Variants in PGAP3 observed in about 807,000 individuals in gnomAD.
The protein encoded by PGAP3 is GPI-specific phospholipase A2-like PGAP3.
A neutral mutation model predicts 40.3 loss-of-function variants in PGAP3; 31 were observed. The observed-to-expected ratio is 0.77, with a 90% CI of 0.58 to 1.04. PGAP3 has a LOEUF of 1.04. PGAP3 is among the 50% of genes least tolerant of loss of function. PGAP3 has a pLI of 0.00. For synonymous variants in PGAP3, 191 were observed against 184.5 expected (o/e 1.04, Z -0.29); for missense variants, 413 against 423.0 (o/e 0.98, Z 0.21).
chr17:39,684,846 C>T, intron 2 of PGAP3, 97 bp from the exon 3 acceptor site: 1 of 1,397,898 alleles, frequency 7.2e-7, no homozygotes, highest in Non-Finnish European at 9.5e-7. Flanking sequence ...AGGTCCTCAG[C>T]TGAGTCCTCA....
At chr17:39,673,428 C>A in intron 6 of PGAP3, 86 bp downstream of exon 6, 1 of 1,591,566 alleles carries the variant, frequency 6.3e-7, no homozygotes, top group Non-Finnish European at 8.6e-7. Context: ...CTCTCTAGAA[C>A]CTCCTTCTCC....
intron 3 of PGAP3, 48 bp from the exon 4 acceptor site, chr17:39,674,727 A>G: frequency 2.0e-6 from 3 of 1,501,062 alleles, no homozygotes; most frequent in South Asian, 1.2e-5. Context: ...CCCTGACCTC[A>G]AGGCAGGGAC....
chr17:39,684,644 C>G lies in PGAP3; in HGVS notation c.385G>C (p.Val129Leu). The change falls in exon 3 of 8, where the codon GTG (valine) becomes CTG (leucine). Residue 129 changes from valine to leucine, a missense_variant. By Grantham distance (32) the Val-to-Leu change is conservative. Transcript: ENST00000300658. Reference protein sequence around the residue: ...LVMLCRYRTFVPASSPMYHTC... With the variant: ...LVMLCRYRTFLPASSPMYHTC... ...TGGTACATGGGGGAGGAGGCTGGCA[C>G]GAAGGTGCGGTAGCGGCAGAGCATC... 1.2e-6 allele frequency: 2 copies of G among 1,614,052 alleles called. No homozygotes were observed. Among genetic ancestry groups the G allele is most frequent in the Non-Finnish European group, 1.7e-6 (2 of 1,179,968 alleles).
rs531459264 is a variant in PGAP3 at position 39,672,996 on chromosome 17, A to G, written c.899+55T>C. On this transcript the variant is annotated intron_variant, in intron 7 of 7. Coordinates refer to ENST00000300658, the MANE Select transcript of PGAP3 (RefSeq NM_033419.5). ...ACAGAGCCCCCAATCTCCCCTAAGG[A>G]GTGGGCAAGGAAGGGTCCAAAGAAG... The G allele has an allele frequency of 5.2e-5, 82 of 1,580,848 alleles. No homozygotes were observed. In the African/African-American group the frequency reaches 8.0e-4, roughly 15 times the overall value.
intron 6 of PGAP3, 124 bp downstream of exon 6, chr17:39,673,389 AT>A (rs1187680656): frequency 2.6e-5 from 40 of 1,551,736 alleles, no homozygotes; most frequent in Non-Finnish European, 3.4e-5. Context: ...CCCACCTCAA[AT>A]TCTTCTCCAT....
Position 39,673,667 on chromosome 17 carries a change from G to T in PGAP3, c.558-17C>A, listed in dbSNP as rs1452389459. The T allele has an allele frequency of 6.2e-7, 1 of 1,612,724 alleles. No homozygotes were observed. The highest frequency in any genetic ancestry group is 1.1e-5 in the South Asian group (1 of 91,012). Reference sequence around the variant, plus strand: ...CCCACGGTCCTGCCCCACCGTCCAGGGTTGCTCAGAGGGCAGGTGGCCCAT... The same window carrying T: ...CCCACGGTCCTGCCCCACCGTCCAGTGTTGCTCAGAGGGCAGGTGGCCCAT... On this transcript the variant is annotated splice_polypyrimidine_tract_variant and intron_variant, in intron 5 of 7. Transcript: ENST00000300658.
chr17:39,684,707 C>T lies in PGAP3; in HGVS notation c.322G>A (p.Ala108Thr). The T allele has an allele frequency of 6.2e-7, 1 of 1,613,078 alleles. No individual in the cohort carries two copies. ...AGGCCATTGAGAAACGAGGCCACGGCCGATGCCGGCTCTTGAAAGAACAGG... is the reference window on the plus strand; with the variant it reads ...AGGCCATTGAGAAACGAGGCCACGGTCGATGCCGGCTCTTGAAAGAACAGG... ...RFLFFQEPAS[A>T]VASFLNGLAS... Residue 108 changes from alanine (A) to threonine (T), a missense_variant, in exon 3 of 8, where the codon GCC becomes ACC. Coordinates refer to ENST00000300658, the MANE Select transcript of PGAP3 (RefSeq NM_033419.5).
At position 39,688,051 on chromosome 17, in the gene PGAP3, G is replaced by T; in HGVS notation, c.-37C>A. The T allele has an allele frequency of 7.5e-7, 1 of 1,334,936 alleles. No homozygotes were observed. The highest frequency in any genetic ancestry group is 9.7e-7 in the Non-Finnish European group (1 of 1,030,926). The allele number at this position is 1,334,936 out of a possible 1,614,324, so 82.7% of individuals were successfully genotyped here. Reference sequence around the variant, plus strand: ...GGCTCGCCGCCGGGGGAGGAGCTTAGGAGTATGAAGCTTCCACTTCCGGAG... The same window carrying T: ...GGCTCGCCGCCGGGGGAGGAGCTTATGAGTATGAAGCTTCCACTTCCGGAG... On this transcript the variant is annotated 5_prime_UTR_variant, in exon 1 of 8. Coordinates refer to ENST00000300658, the MANE Select transcript of PGAP3 (RefSeq NM_033419.5).
Position 39,684,469 on chromosome 17 carries a change from C to T in PGAP3, c.432+128G>A, listed in dbSNP as rs1157967168. On this transcript the variant is annotated intron_variant, in intron 3 of 7. Coordinates refer to ENST00000300658, the MANE Select transcript of PGAP3 (RefSeq NM_033419.5). ...CTCCCCAGGCTTTACCACCCTGCAG[C>T]TGCAACTTTAGCCCTGGGAAACAGA... 3.3e-6 allele frequency: 4 copies of T among 1,202,340 alleles called. No homozygotes were observed. The African/African-American group carries it at 6.3e-5, about 19-fold the overall frequency. 74.5% of individuals were successfully genotyped at this position (1,202,340 alleles called of 1,614,324 possible). A position where few individuals can be genotyped will look rare whatever the true frequency, so the allele number is the denominator to read the frequency against.
intron 3 of PGAP3, among the ~76,000 whole-genome samples, chr17:39,675,663 G>C (rs2057367399): frequency 6.6e-6 from 1 of 152,200 alleles, no homozygotes. Context: ...CAGAGGGAGG[G>C]GGCAAGAAGC....
chr17:39,682,261 A>AAAAAAATT (rs2057451583), intron 3 of PGAP3, among the ~76,000 whole-genome samples: 1 of 142,612 alleles, frequency 7.0e-6, no homozygotes. Flanking sequence ...AAAAAAAAAA[A>AAAAAAATT]TCTGATGTTA....
At chr17:39,683,228 G>C (rs1258345672) in intron 3 of PGAP3, among the ~76,000 whole-genome samples, 1 of 152,142 alleles carries the variant, frequency 6.6e-6, no homozygotes, top group African/African-American at 2.4e-5. Context: ...CTGCATGTCA[G>C]GCTGCCTGGA....
intron 3 of PGAP3, among the ~76,000 whole-genome samples, chr17:39,679,147 T>A (rs1192860488): frequency 6.6e-6 from 1 of 152,068 alleles, no homozygotes; most frequent in African/African-American, 2.4e-5. Flanking sequence ...GGTTTCACCA[T>A]GTTGGCCAGC....
chr17:39,685,220 G>C (rs957344804), intron 2 of PGAP3, among the ~76,000 whole-genome samples: 1 of 151,674 alleles, frequency 6.6e-6, no homozygotes, highest in Non-Finnish European at 1.5e-5. Context: ...GCTCACGCCT[G>C]TAATCCCAGC....
At chr17:39,673,931 G>T in intron 5 of PGAP3, 62 bp downstream of exon 5, 1 of 1,553,826 alleles carries the variant, frequency 6.4e-7, no homozygotes, top group Non-Finnish European at 8.9e-7. Context: ...GGGGAAGGCT[G>T]GGTGACCCCT....
intron 3 of PGAP3, among the ~76,000 whole-genome samples, chr17:39,684,124 CAAAAAAAAAAAAAAAAAAA>C (rs58205601): frequency 1.6e-5 from 1 of 64,396 alleles, no homozygotes; most frequent in Non-Finnish European, 2.7e-5. Flanking sequence ...GACTCTGTCT[CAAAAAAAAAAAAAAAAAAA>C]AAAAAAAAAA....
At position 39,672,770 on chromosome 17, in the gene PGAP3, G is replaced by A. The variant is rs1351139234; in HGVS notation, c.*33C>T. 1.2e-6 allele frequency: 2 copies of A among 1,603,522 alleles called. No homozygotes were observed. Among genetic ancestry groups the A allele is most frequent in the Non-Finnish European group, 8.5e-7 (1 of 1,170,596 alleles). ...AGGGAGGCCAGCAGGGCGGGGGCAG[G>A]ATCCCCACTGGGGCAGACTCGCTCC... On this transcript the variant is annotated 3_prime_UTR_variant, in exon 8 of 8. Coordinates refer to ENST00000300658, the MANE Select transcript of PGAP3 (RefSeq NM_033419.5).
At chr17:39,679,975 G>C (rs982583884) in intron 3 of PGAP3, among the ~76,000 whole-genome samples, 2 of 152,076 alleles carry the variant, frequency 1.3e-5, no homozygotes, top group South Asian at 4.1e-4. Flanking sequence ...TAGAGGACGC[G>C]GTCTCCCCAC....
intron 3 of PGAP3, among the ~76,000 whole-genome samples, chr17:39,681,229 TC>T (rs2057436554): frequency 6.6e-6 from 1 of 152,114 alleles, no homozygotes; most frequent in Admixed American, 6.6e-5. Flanking sequence ...CCTCATCTAA[TC>T]CACTCTTGAA....
Sources: gnomAD v4.1 joint callset for allele counts (sites outside exome capture counted in the v4.1 genomes callset) on GRCh38, gnomAD v4.1.1 for gene constraint, MANE v1.5 for transcripts, NCBI Gene and HGNC (gene_info 2026-07-23, HGNC 2026-07-21) for gene names.